Variants in TTC23 observed in about 807,000 individuals in gnomAD.
TTC23 encodes tetratricopeptide repeat protein 23.
In TTC23, 58 loss-of-function variants were observed where a neutral mutation model predicts 55.1. That is an observed-to-expected ratio of 1.05 (90% CI 0.85 to 1.31). The LOEUF is 1.31. TTC23 is among the 50% of genes most tolerant of loss of function. The pLI, the probability that TTC23 is intolerant of heterozygous loss-of-function variation, is 0.00. For missense variants in TTC23, 516 were observed against 534.4 expected (o/e 0.97, Z 0.34); for synonymous variants, 203 against 199.9 (o/e 1.02, Z -0.13).
chr15:99,221,575 T>C (rs1162081448), intron 6 of TTC23, among the ~76,000 whole-genome samples, 166 bp downstream of exon 6: 1 of 152,236 alleles, frequency 6.6e-6, no homozygotes, highest in African/African-American at 2.4e-5. Flanking sequence ...CTTTGAATGT[T>C]TACAGGTTAT....
chr15:99,172,386 T>G (rs1240215533), intron 10 of TTC23, among the ~76,000 whole-genome samples: 2 of 152,186 alleles, frequency 1.3e-5, no homozygotes, highest in Non-Finnish European at 2.9e-5. Context: ...CTCCGCATGC[T>G]CCTGGGCCCC....
chr15:99,203,944 G>T (rs1459971443), intron 8 of TTC23, among the ~76,000 whole-genome samples: 1 of 152,126 alleles, frequency 6.6e-6, no homozygotes, highest in Non-Finnish European at 1.5e-5. Context: ...GAATAGTGCT[G>T]CAATAAACAT....
At chr15:99,161,609 T>A in intron 11 of TTC23, 131 bp downstream of exon 11, 1 of 1,012,202 alleles carries the variant, frequency 9.9e-7, no homozygotes, top group Non-Finnish European at 1.4e-6. Flanking sequence ...TAGCCTTATT[T>A]ATGTGTCCCT....
intron 5 of TTC23, among the ~76,000 whole-genome samples, chr15:99,225,214 C>T (rs781388692): frequency 2.7e-4 from 41 of 152,204 alleles, no homozygotes; most frequent in Non-Finnish European, 4.6e-4. Context: ...CCTTCCTTCA[C>T]GTCCTTATTT....
At chr15:99,237,057 C>T (rs1407180107) in intron 3 of TTC23, among the ~76,000 whole-genome samples, 1 of 151,570 alleles carries the variant, frequency 6.6e-6, no homozygotes, top group Non-Finnish European at 1.5e-5. Flanking sequence ...TCCTGGCTCA[C>T]TGCAACCTTC....
intron 4 of TTC23, among the ~76,000 whole-genome samples, chr15:99,230,432 A>G (rs2078844310): frequency 6.6e-6 from 1 of 152,178 alleles, no homozygotes; most frequent in Non-Finnish European, 1.5e-5. Flanking sequence ...GACAGAAAAC[A>G]TATTTGAAGA....
chr15:99,142,816 G>C (rs1376239897), intron 12 of TTC23, among the ~76,000 whole-genome samples: 1 of 152,138 alleles, frequency 6.6e-6, no homozygotes, highest in African/African-American at 2.4e-5. Flanking sequence ...TTTTCCCTGG[G>C]AGCATTTTCA....
chr15:99,236,795 A>G (rs1171601711), intron 3 of TTC23, among the ~76,000 whole-genome samples: 1 of 152,192 alleles, frequency 6.6e-6, no homozygotes, highest in African/African-American at 2.4e-5. Context: ...ATTTGCAGAT[A>G]TGTTCTTTCA....
intron 10 of TTC23, among the ~76,000 whole-genome samples, chr15:99,167,742 G>A (rs1182030592): frequency 1.3e-5 from 2 of 152,192 alleles, no homozygotes; most frequent in African/African-American, 2.4e-5. Context: ...GTAACCCTGC[G>A]TTCATTTTCC....
intron 3 of TTC23, among the ~76,000 whole-genome samples, chr15:99,239,222 G>A (rs1292634539): frequency 6.6e-6 from 1 of 152,164 alleles, no homozygotes; most frequent in African/African-American, 2.4e-5. Flanking sequence ...GGTGGCTCAC[G>A]CCCGTAATCC....
chr15:99,199,841 C>T, intron 9 of TTC23, 78 bp downstream of exon 9: 1 of 1,404,458 alleles, frequency 7.1e-7, no homozygotes, highest in Non-Finnish European at 9.6e-7. Context: ...CAGGCATTTT[C>T]AGAGCTGCTG....
chr15:99,244,005 A>G (rs12591132), intron 2 of TTC23, among the ~76,000 whole-genome samples: 63,496 of 152,012 alleles, frequency 0.42, 13,426 homozygotes, highest in Middle Eastern at 0.59. Context: ...CAAAGAAATG[A>G]TAAGTGCTTG....
intron 9 of TTC23, among the ~76,000 whole-genome samples, chr15:99,190,812 T>C (rs1189366107): frequency 6.6e-6 from 1 of 152,096 alleles, no homozygotes; most frequent in Admixed American, 6.5e-5. Context: ...CAGGGTGAAG[T>C]GCAGTGGCGT....
intron 13 of TTC23, 89 bp from the exon 14 acceptor site, chr15:99,138,216 AG>A: frequency 2.6e-6 from 4 of 1,534,300 alleles, no homozygotes; most frequent in Non-Finnish European, 3.5e-6. Context: ...GCAGGTGCCC[AG>A]ACCCATTTAT....
intron 6 of TTC23, among the ~76,000 whole-genome samples, chr15:99,219,711 G>A (rs971852564): frequency 8.5e-5 from 13 of 152,088 alleles, no homozygotes; most frequent in Non-Finnish European, 1.5e-4. Context: ...TGTGGGAAGG[G>A]AGGACTGAGA....
intron 3 of TTC23, among the ~76,000 whole-genome samples, chr15:99,237,873 C>T (rs1412729391): frequency 6.6e-6 from 1 of 151,978 alleles, no homozygotes; most frequent in East Asian, 1.9e-4. Flanking sequence ...TTTCAGAGAT[C>T]CCTCCCCATT....
chr15:99,234,437 C>T (rs566360057), intron 4 of TTC23, among the ~76,000 whole-genome samples: 1 of 152,284 alleles, frequency 6.6e-6, no homozygotes, highest in Non-Finnish European at 1.5e-5. Flanking sequence ...GTGGCGTGAT[C>T]TCGGCTCCCT....
intron 4 of TTC23, among the ~76,000 whole-genome samples, chr15:99,230,044 T>C (rs780030456): frequency 7.2e-5 from 11 of 152,040 alleles, no homozygotes; most frequent in Non-Finnish European, 1.6e-4. Context: ...TTACCAAGCA[T>C]CCAAAGAAGC....
chr15:99,221,578 C>T (rs1363352192), intron 6 of TTC23, among the ~76,000 whole-genome samples, 163 bp downstream of exon 6: 1 of 152,148 alleles, frequency 6.6e-6, no homozygotes, highest in African/African-American at 2.4e-5. Flanking sequence ...TGAATGTTTA[C>T]AGGTTATATA....
Sources: allele counts gnomAD v4.1 joint callset (sites outside exome capture counted in the v4.1 genomes callset), GRCh38; gene constraint gnomAD v4.1.1; transcripts MANE v1.5; gene names NCBI Gene and HGNC (gene_info 2026-07-23, HGNC 2026-07-21).